Variants in COQ3 observed in about 807,000 individuals in gnomAD.
The protein encoded by COQ3 is coenzyme Q3, methyltransferase, also known as ubiquinone biosynthesis O-methyltransferase, mitochondrial.
A neutral mutation model predicts 33.1 loss-of-function variants in COQ3; 29 were observed. The ratio of observed to expected loss-of-function variants is 0.88; its 90% CI spans 0.65 to 1.19. The LOEUF (loss-of-function observed/expected upper bound fraction) is 1.19. Among genes scored for constraint, COQ3 ranks in the 50% most tolerant of loss-of-function variants. COQ3 has a pLI of 0.00. For missense variants in COQ3, 437 were observed against 430.7 expected (o/e 1.01, Z -0.13); for synonymous variants, 173 against 157.8 (o/e 1.10, Z -0.72).
At chr6:99,378,126 ATATATATATATATATATATAT>A (rs1289236218) in intron 3 of COQ3, among the ~76,000 whole-genome samples, 4 of 25,104 alleles carry the variant, frequency 1.6e-4, no homozygotes, top group Non-Finnish European at 7.7e-4. Context: ...ATATATATAT[ATATATATATATATATATATAT>A]ATATATATAT....
chr6:99,369,811 G>T lies in COQ3; in HGVS notation c.899C>A (p.Ser300Ter). The T allele has an allele frequency of 6.4e-7, 1 of 1,554,908 alleles. No individual in the cohort carries two copies. Among genetic ancestry groups the T allele is most frequent in the Non-Finnish European group, 8.7e-7 (1 of 1,148,470 alleles). The change falls in exon 7 of 7, where the codon TCA (serine) becomes TAA (stop). Residue 300 changes from serine to a stop codon, truncating the protein, a stop_gained. Coordinates refer to ENST00000254759, the MANE Select transcript of COQ3 (RefSeq NM_017421.4). LOFTEE classifies it low-confidence loss of function (END_TRUNC). ...GAGCATTCCTACCACTGTTTGAACTGACAGACCATCTGAAAAAAAAAAAAA... is the reference window on the plus strand; with the variant it reads ...GAGCATTCCTACCACTGTTTGAACTTACAGACCATCTGAAAAAAAAAAAAA... The part of the protein sequence containing the change: ...LESILESNGL[S>*]VQTVVGMLYN...
intron 2 of COQ3, among the ~76,000 whole-genome samples, chr6:99,382,693 C>T (rs1210274801): frequency 6.6e-6 from 1 of 152,154 alleles, no homozygotes; most frequent in Non-Finnish European, 1.5e-5. Context: ...GTGGCTCATG[C>T]CTGTAATCCC....
chr6:99,375,483 A>G (rs1317694334), intron 5 of COQ3, among the ~76,000 whole-genome samples: 1 of 151,594 alleles, frequency 6.6e-6, no homozygotes, highest in Non-Finnish European at 1.5e-5. Flanking sequence ...TCCAGGGTTC[A>G]AGCAATTCTT....
chr6:99,388,691 T>TA (rs968805983), intron 1 of COQ3, among the ~76,000 whole-genome samples: 57 of 151,686 alleles, frequency 3.8e-4, no homozygotes, highest in Non-Finnish European at 6.9e-4. Flanking sequence ...CTACTAAAAA[T>TA]AAAAAAATTA....
chr6:99,370,344 C>CTTTTTTT lies in COQ3; in HGVS notation c.890-531_890-525dup. Among the ~76,000 whole-genome samples the CTTTTTTT allele has an allele frequency of 3.8e-3, 385 of 101,174 alleles. 4 individuals carry two copies. Among genetic ancestry groups the CTTTTTTT allele is most frequent in the African/African-American group, 4.5e-3 (115 of 25,372 alleles). 66.4% of individuals were successfully genotyped at this position (101,174 alleles called of 152,430 possible). ...TTCTTTCTTTCTTTTCTTTTCTTTA[C>CTTTTTTT]TTTTTTTTTTTTTTTTTTTTGTGAG... On this transcript the variant is annotated intron_variant, in intron 6 of 6. Transcript: ENST00000254759.
chr6:99,378,128 A>G (rs982339007), intron 3 of COQ3, among the ~76,000 whole-genome samples: 3 of 26,964 alleles, frequency 1.1e-4, no homozygotes, highest in African/African-American at 1.9e-4. Flanking sequence ...ATATATATAT[A>G]TATATATATA....
At position 99,376,166 on chromosome 6, in the gene COQ3, C is replaced by G. The variant is rs758185659; in HGVS notation, c.503G>C (p.Gly168Ala). ...AGGGTCGATTCCAATAACTGAAGCC[C>G]CAAGCCGCCCTAGAGGCTAATGGCA... Reference protein sequence around the residue: ...GLLTEPLGRLGASVIGIDPVD... With the variant: ...GLLTEPLGRLAASVIGIDPVD... The change falls in exon 5 of 7, where the codon GGG (glycine) becomes GCG (alanine). Residue 168 changes from glycine to alanine, a missense_variant. Transcript: ENST00000254759. The G allele has an allele frequency of 6.2e-7, 1 of 1,613,834 alleles. No individual in the cohort carries two copies.
intron 5 of COQ3, among the ~76,000 whole-genome samples, chr6:99,373,573 C>T (rs1774199824): frequency 6.6e-6 from 1 of 152,126 alleles, no homozygotes; most frequent in African/African-American, 2.4e-5. Context: ...CCCTACAATG[C>T]CAGCATCCCT....
chr6:99,380,713 C>A (rs1774450322), intron 2 of COQ3, among the ~76,000 whole-genome samples: 1 of 151,952 alleles, frequency 6.6e-6, no homozygotes, highest in Non-Finnish European at 1.5e-5. Flanking sequence ...AGGTCACCAG[C>A]CTGACCAACT....
intron 1 of COQ3, among the ~76,000 whole-genome samples, chr6:99,392,082 T>G: frequency 6.6e-6 from 1 of 152,224 alleles, no homozygotes; most frequent in East Asian, 1.9e-4. Context: ...TAATTGAGTT[T>G]GTATTTAAAC....
chr6:99,390,624 C>T (rs1272994286), intron 1 of COQ3, among the ~76,000 whole-genome samples: 2 of 152,158 alleles, frequency 1.3e-5, no homozygotes, highest in Admixed American at 6.5e-5. Context: ...GAGCCACGCG[C>T]CCAGTCTTTG....
chr6:99,391,618 C>A (rs1774833293), intron 1 of COQ3, among the ~76,000 whole-genome samples: 1 of 152,082 alleles, frequency 6.6e-6, no homozygotes, highest in Admixed American at 6.5e-5. Context: ...TACGGACAGA[C>A]AACCCTTGAT....
At chr6:99,379,336 G>C (rs1011108735) in intron 3 of COQ3, among the ~76,000 whole-genome samples, 3 of 152,130 alleles carry the variant, frequency 2.0e-5, no homozygotes, top group African/African-American at 7.2e-5. Flanking sequence ...AGTGAGAATG[G>C]TGTCCAGTTT....
At position 99,378,105 on chromosome 6, in the gene COQ3, CATATATATATATATATATAT is replaced by C. The variant is rs57039767; in HGVS notation, c.387-640_387-621del. Among the ~76,000 whole-genome samples the C allele has an allele frequency of 2.5e-3, 194 of 77,530 alleles. 3 individuals are homozygous for C. Among genetic ancestry groups the C allele is most frequent in the East Asian group, 5.7e-3 (13 of 2,284 alleles). 50.9% of individuals were successfully genotyped at this position (77,530 alleles called of 152,430 possible). On this transcript the variant is annotated intron_variant, in intron 3 of 6. Coordinates refer to ENST00000254759, the MANE Select transcript of COQ3 (RefSeq NM_017421.4). ...ACACCTAACAGTATTGTAAACTAAA[CATATATATATATATATATAT>C]ATATATATATATATATATATATATA...
intron 4 of COQ3, 53 bp downstream of exon 4, chr6:99,377,333 T>A (rs1774317741): frequency 8.1e-7 from 1 of 1,230,016 alleles, no homozygotes; most frequent in African/African-American, 1.5e-5. Flanking sequence ...GGCACAAGTC[T>A]ACTTCTTAAT....
intron 1 of COQ3, among the ~76,000 whole-genome samples, chr6:99,389,968 G>T (rs1328064567): frequency 6.6e-6 from 1 of 152,078 alleles, no homozygotes; most frequent in Non-Finnish European, 1.5e-5. Context: ...ACAAAAATTA[G>T]CCAGGCGTGG....
At chr6:99,393,922 T>A (rs767255399) in intron 1 of COQ3, 152 bp downstream of exon 1, 8 of 614,344 alleles carry the variant, frequency 1.3e-5, no homozygotes, top group Non-Finnish European at 1.7e-5. Context: ...AGGTTTACAA[T>A]GGAGAGAGAT....
intron 2 of COQ3, 115 bp downstream of exon 2, chr6:99,383,583 C>A: frequency 5.6e-6 from 4 of 713,586 alleles, no homozygotes; most frequent in East Asian, 3.1e-5. Flanking sequence ...TAAACACAAG[C>A]TACTTTAATC....
At chr6:99,393,324 G>T (rs1481588810) in intron 1 of COQ3, among the ~76,000 whole-genome samples, 1 of 151,872 alleles carries the variant, frequency 6.6e-6, no homozygotes, top group Non-Finnish European at 1.5e-5. Context: ...TTCACTGTAT[G>T]ATAGTACCAA....
Sources: allele counts gnomAD v4.1 joint callset (sites outside exome capture counted in the v4.1 genomes callset), GRCh38; gene constraint gnomAD v4.1.1; transcripts MANE v1.5; gene names NCBI Gene and HGNC (gene_info 2026-07-23, HGNC 2026-07-21).